The following ZNF385D variants were observed in gnomAD, a reference collection of about 807,000 sequenced individuals.
The protein encoded by ZNF385D is zinc finger protein 659.
In ZNF385D, 15 loss-of-function variants were observed where a neutral mutation model predicts 35.8. The ratio of observed to expected loss-of-function variants is 0.42; its 90% CI spans 0.28 to 0.64. The LOEUF (loss-of-function observed/expected upper bound fraction) is 0.64. Ranked by LOEUF, ZNF385D falls within the 30% of genes least tolerant of loss-of-function variation. The pLI is 0.23. For missense variants in ZNF385D, 474 were observed against 494.6 expected (o/e 0.96, Z 0.39); for synonymous variants, 212 against 186.8 (o/e 1.13, Z -1.10).
intron 3 of ZNF385D, among the ~76,000 whole-genome samples, chr3:21,866,086 C>T (rs1697336699): frequency 6.6e-6 from 1 of 151,780 alleles, no homozygotes; most frequent in East Asian, 1.9e-4. Flanking sequence ...TACATATATA[C>T]ACTGTTAATT....
At chr3:21,978,480 G>C (rs555427496) in intron 3 of ZNF385D, among the ~76,000 whole-genome samples, 57 of 152,340 alleles carry the variant, frequency 3.7e-4, no homozygotes, top group African/African-American at 1.3e-3. Context: ...GGCAAAAGTA[G>C]ATTAGGATGT....
At chr3:21,846,943 T>C (rs911804812) in intron 3 of ZNF385D, among the ~76,000 whole-genome samples, 16 of 152,032 alleles carry the variant, frequency 1.1e-4, no homozygotes, top group African/African-American at 3.6e-4. Context: ...CTTAATCCTA[T>C]GAAGCTATGG....
intron 3 of ZNF385D, among the ~76,000 whole-genome samples, chr3:21,887,293 A>G (rs892634289): frequency 5.3e-5 from 8 of 152,222 alleles, no homozygotes; most frequent in African/African-American, 1.9e-4. Context: ...TCTACTACCA[A>G]TAATTAATTC....
rs78007927 is a variant in ZNF385D at position 21,739,051 on chromosome 3, A to G, written c.22+11844T>C. On this transcript the variant is annotated intron_variant, in intron 1 of 7. Transcript: ENST00000281523. ...AATCATCACATATCTAGCCGACTAAATGCTCTCAGAAGCGTATGGCATTTG... is the reference window on the plus strand; with the variant it reads ...AATCATCACATATCTAGCCGACTAAGTGCTCTCAGAAGCGTATGGCATTTG... Among the ~76,000 whole-genome samples the G allele has an allele frequency of 3.5e-3, 533 of 152,336 alleles. 4 individuals carry two copies. Among genetic ancestry groups the G allele is most frequent in the African/African-American group, 0.012 (512 of 41,590 alleles).
rs564151519 is a variant in ZNF385D, at chr3:22,090,273, G to A, written c.325+78544C>T. Among the ~76,000 whole-genome samples the A allele has an allele frequency of 2.6e-5, 4 of 152,240 alleles. No homozygotes were observed. The South Asian group carries it at 8.3e-4, about 32-fold the overall frequency. ...TTTTGATTTATTCCTATGCTTCATT[G>A]CAGTGCTGAGCTTCTTACTACTGGG... On this transcript the variant is annotated intron_variant, in intron 3 of 5. Transcript: ENST00000494108.
intron 3 of ZNF385D, among the ~76,000 whole-genome samples, chr3:22,120,867 A>C (rs1359352383): frequency 6.6e-6 from 1 of 152,180 alleles, no homozygotes. Context: ...AAATGAGTAC[A>C]ATATTAAAAA....
intron 4 of ZNF385D, among the ~76,000 whole-genome samples, chr3:21,483,008 A>G (rs935913713): frequency 4.6e-5 from 7 of 152,142 alleles, no homozygotes; most frequent in African/African-American, 1.7e-4. Context: ...TTCACATTTT[A>G]CCAGCTTTAA....
chr3:22,077,698 C>T (rs978317785), intron 3 of ZNF385D, among the ~76,000 whole-genome samples: 19 of 152,100 alleles, frequency 1.2e-4, no homozygotes, highest in African/African-American at 4.1e-4. Flanking sequence ...AGAGATGCTT[C>T]TCGGCAGATG....
At chr3:22,320,272 C>T (rs527987386) in intron 2 of ZNF385D, among the ~76,000 whole-genome samples, 1 of 151,796 alleles carries the variant, frequency 6.6e-6, no homozygotes, top group Non-Finnish European at 1.5e-5. Flanking sequence ...CAGAGATGAA[C>T]CAAGGAAGGT....
intron 3 of ZNF385D, among the ~76,000 whole-genome samples, chr3:21,775,924 T>G (rs2071269900): frequency 6.6e-6 from 1 of 151,804 alleles, no homozygotes; most frequent in Non-Finnish European, 1.5e-5. Flanking sequence ...AGAAAATAAG[T>G]ACTCATAATT....
At chr3:21,931,983 C>T (rs540559520) in intron 3 of ZNF385D, among the ~76,000 whole-genome samples, 60 of 151,474 alleles carry the variant, frequency 4.0e-4, no homozygotes, top group African/African-American at 1.4e-3. Context: ...CTGGCTAACA[C>T]GGTGAAACCC....
chr3:21,812,450 G>A (rs949790924), intron 3 of ZNF385D, among the ~76,000 whole-genome samples: 2 of 152,250 alleles, frequency 1.3e-5, no homozygotes, highest in Non-Finnish European at 2.9e-5. Context: ...TCCCAGCCAA[G>A]GGAAGCCGTG....
intron 3 of ZNF385D, among the ~76,000 whole-genome samples, chr3:21,522,133 G>T (rs542016631): frequency 5.9e-5 from 9 of 152,088 alleles, no homozygotes; most frequent in Non-Finnish European, 1.3e-4. Flanking sequence ...GAAAATTATG[G>T]TTTTGGAGAA....
At chr3:22,058,116 C>T (rs9855989) in intron 3 of ZNF385D, among the ~76,000 whole-genome samples, 2,423 of 152,306 alleles carry the variant, frequency 0.016, 73 homozygotes, top group African/African-American at 0.056. Context: ...AAAGGAATTT[C>T]ATGCTGGTCC....
chr3:22,250,800 G>A (rs1249204811), intron 2 of ZNF385D, among the ~76,000 whole-genome samples: 1 of 152,030 alleles, frequency 6.6e-6, no homozygotes, highest in African/African-American at 2.4e-5. Flanking sequence ...GCTGTCAGTG[G>A]AGAGTTTAGA....
chr3:21,656,746 A>G (rs1215865099), intron 2 of ZNF385D, among the ~76,000 whole-genome samples: 1 of 152,054 alleles, frequency 6.6e-6, no homozygotes, highest in Non-Finnish European at 1.5e-5. Flanking sequence ...TTTGCTAGCC[A>G]TGAAACTGGA....
intron 3 of ZNF385D, among the ~76,000 whole-genome samples, chr3:22,071,749 T>C (rs1700237365): frequency 6.6e-6 from 1 of 152,238 alleles, no homozygotes; most frequent in East Asian, 1.9e-4. Context: ...CTTTTCTCTA[T>C]GGACACCAAC....
chr3:21,880,721 C>T (rs1485279482), intron 3 of ZNF385D, among the ~76,000 whole-genome samples: 1 of 151,924 alleles, frequency 6.6e-6, no homozygotes, highest in African/African-American at 2.4e-5. Context: ...GAAGGCATGT[C>T]AAAAGCTGAT....
intron 3 of ZNF385D, among the ~76,000 whole-genome samples, chr3:21,815,184 G>C (rs1242966476): frequency 6.6e-6 from 1 of 152,192 alleles, no homozygotes; most frequent in African/African-American, 2.4e-5. Context: ...ATTTAAAGCA[G>C]TGTGTAGAGG....
Sources: allele counts gnomAD v4.1 joint callset (sites outside exome capture counted in the v4.1 genomes callset), GRCh38; gene constraint gnomAD v4.1.1; transcripts MANE v1.5; gene names NCBI Gene and HGNC (gene_info 2026-07-23, HGNC 2026-07-21).